The following SLC13A3 variants were observed in gnomAD, a reference collection of about 807,000 sequenced individuals.
SLC13A3 encodes the protein solute carrier family 13 member 3.
In SLC13A3, 40 loss-of-function variants were observed where a neutral mutation model predicts 59.0. That is an observed-to-expected ratio of 0.68 (90% CI 0.53 to 0.88). SLC13A3 has a LOEUF of 0.88. Ranked by LOEUF, SLC13A3 falls within the 40% of genes least tolerant of loss-of-function variation. The probability of loss-of-function intolerance (pLI) is 0.00; values close to 1 mark genes in which losing one functional copy is unlikely to be tolerated. For missense variants in SLC13A3, 699 were observed against 783.2 expected (o/e 0.89, Z 1.28); for synonymous variants, 317 against 330.3 (o/e 0.96, Z 0.44).
At position 46,566,373 on chromosome 20, in the gene SLC13A3, T is replaced by C. The variant is rs761185523; in HGVS notation, c.1350A>G (p.Val450=). The part of the protein sequence containing the change: ...AKGCEESGLS[V]WIGGQLHPLE... ...GGGGGTGCAGCTGCCCACCAATCCA[T>C]ACAGACAGCCCCGATTCCTGCGGAG... is the stretch of plus-strand genomic sequence containing the variant. Residue 450 remains valine (V), a synonymous_variant, in exon 11 of 13, where the codon GTA becomes GTG. Coordinates refer to ENST00000279027, the MANE Select transcript of SLC13A3 (RefSeq NM_022829.6). The C allele has an allele frequency of 1.7e-5, 27 of 1,612,908 alleles. No individual in the cohort carries two copies. The South Asian group carries it at 1.8e-4, about 11-fold the overall frequency.
At chr20:46,652,309 T>C (rs1052050543), upstream of SLC13A3, among the ~76,000 whole-genome samples, 1 of 152,234 alleles carries the variant, frequency 6.6e-6, no homozygotes, top group Non-Finnish European at 1.5e-5. Flanking sequence ...ATAACACATG[T>C]AATGTGATTA....
upstream of SLC13A3, chr20:46,651,508 A>C: frequency 2.8e-5 from 22 of 778,814 alleles, no homozygotes; most frequent in Non-Finnish European, 3.4e-5. Context: ...AGGGTCGGGG[A>C]GGGGACTGCG....
At chr20:46,661,910 A>G (rs1372861624) in intron 1 of SLC13A3, among the ~76,000 whole-genome samples, 1 of 152,152 alleles carries the variant, frequency 6.6e-6, no homozygotes, top group Non-Finnish European at 1.5e-5. Flanking sequence ...AATCCTTCTT[A>G]TCCCTCCTTT....
At chr20:46,683,353 T>C (rs1241900688) in intron 1 of SLC13A3, among the ~76,000 whole-genome samples, 1 of 152,178 alleles carries the variant, frequency 6.6e-6, no homozygotes, top group Non-Finnish European at 1.5e-5. Context: ...AAGGGCTAAC[T>C]GGGGGCCAGG....
At chr20:46,589,092 G>A in intron 7 of SLC13A3, 68 bp downstream of exon 7, 3 of 1,427,954 alleles carry the variant, frequency 2.1e-6, no homozygotes, top group Non-Finnish European at 2.9e-6. Flanking sequence ...CCCAAGGCCA[G>A]GCCAGGAGGA....
At position 46,649,518 on chromosome 20, in the gene SLC13A3, T is replaced by A. The variant is rs561983233; in HGVS notation, c.111+1793A>T. On this transcript the variant is annotated intron_variant, in intron 1 of 12. Coordinates refer to ENST00000279027, the MANE Select transcript of SLC13A3 (RefSeq NM_022829.6). ...GAGAGAATAGAGACCTTGTGTTTTATCTCTTCTTGCCAGAGAGCTCTGCCT... is the reference window on the plus strand; with the variant it reads ...GAGAGAATAGAGACCTTGTGTTTTAACTCTTCTTGCCAGAGAGCTCTGCCT... Among the ~76,000 whole-genome samples the A allele has an allele frequency of 4.6e-5, 7 of 152,298 alleles. No individual in the cohort carries two copies. The South Asian group carries it at 1.5e-3, about 32-fold the overall frequency.
intron 9 of SLC13A3, chr20:46,583,080 C>G (rs1333387608): frequency 2.0e-6 from 2 of 985,544 alleles, no homozygotes; most frequent in Non-Finnish European, 2.4e-6. Context: ...GCCAAGGGGT[C>G]ATTTTTCTGC....
intron 1 of SLC13A3, chr20:46,682,292 G>A (rs935541603): frequency 1.3e-5 from 2 of 152,350 alleles, no homozygotes; most frequent in East Asian, 3.9e-4. Context: ...GATTCTTGCA[G>A]TTAAATCAGA....
intron 10 of SLC13A3, among the ~76,000 whole-genome samples, chr20:46,573,563 C>T (rs1160264048): frequency 6.6e-6 from 1 of 152,216 alleles, no homozygotes; most frequent in Non-Finnish European, 1.5e-5. Context: ...AAAGCCCAAC[C>T]TGTAGAAACC....
intron 9 of SLC13A3, among the ~76,000 whole-genome samples, chr20:46,580,181 C>T (rs530995111): frequency 4.6e-5 from 7 of 152,266 alleles, no homozygotes; most frequent in South Asian, 4.1e-4. Context: ...CTCTTAGACT[C>T]GTGACCTCAG....
In SLC13A3 at chr20:46,664,662, G is replaced by A. The variant is rs773679274; in HGVS notation, c.-31+5381C>T. On this transcript the variant is annotated intron_variant, in intron 1 of 12. Coordinates refer to the SLC13A3 transcript ENST00000290317. Reference sequence around the variant, plus strand: ...AAAAGATGAAAATATGACAAATCTGGGAAGAAAACACAAGGAAGCAGCAAA... The same window carrying A: ...AAAAGATGAAAATATGACAAATCTGAGAAGAAAACACAAGGAAGCAGCAAA... Among the ~76,000 whole-genome samples the A allele has an allele frequency of 1.1e-4, 16 of 152,244 alleles. No homozygotes were observed. In the Middle Eastern group the frequency reaches 0.01, roughly 97 times the overall value.
At chr20:46,574,243 C>T (rs1306060212) in intron 10 of SLC13A3, among the ~76,000 whole-genome samples, 1 of 152,206 alleles carries the variant, frequency 6.6e-6, no homozygotes, top group African/African-American at 2.4e-5. Flanking sequence ...GGAGCCCGGA[C>T]TCTGAAATCA....
chr20:46,590,820 C>T (rs1206631395), intron 6 of SLC13A3, among the ~76,000 whole-genome samples: 1 of 152,052 alleles, frequency 6.6e-6, no homozygotes, highest in East Asian at 1.9e-4. Context: ...AAAATGCTTG[C>T]TTCCTTTGAG....
At chr20:46,677,192 G>A (rs1438005929) in intron 1 of SLC13A3, among the ~76,000 whole-genome samples, 3 of 152,192 alleles carry the variant, frequency 2.0e-5, no homozygotes, top group Non-Finnish European at 2.9e-5. Context: ...GGCATTACAA[G>A]CACAAGCCAC....
At chr20:46,591,683 A>G (rs2062259052) in intron 6 of SLC13A3, among the ~76,000 whole-genome samples, 1 of 152,148 alleles carries the variant, frequency 6.6e-6, no homozygotes, top group African/African-American at 2.4e-5. Flanking sequence ...CCATAATATG[A>G]TTTGGTGTTA....
At position 46,568,719 on chromosome 20, in the gene SLC13A3, T is replaced by C. The variant is rs755430991; in HGVS notation, c.1333-2329A>G. Reference sequence around the variant, plus strand: ...TAGGCCACAGCTCTGGCAAAGAGTCTGACCTGACAGCTCTGTGCGCAATTA... The same window carrying C: ...TAGGCCACAGCTCTGGCAAAGAGTCCGACCTGACAGCTCTGTGCGCAATTA... On this transcript the variant is annotated intron_variant, in intron 10 of 12. Transcript: ENST00000279027. Among the ~76,000 whole-genome samples, 8 of 152,186 alleles carry C rather than the reference T, an allele frequency of 5.3e-5. No homozygotes were observed. In the East Asian group the frequency reaches 1.5e-3, roughly 29 times the overall value.
intron 1 of SLC13A3, among the ~76,000 whole-genome samples, chr20:46,623,405 A>C (rs6094399): frequency 0.012 from 1,848 of 152,090 alleles, 40 homozygotes; most frequent in African/African-American, 0.042. Context: ...TTTCCTCTCT[A>C]TCTTTTTTTG....
chr20:46,576,588 G>T (rs2062079212), intron 9 of SLC13A3, among the ~76,000 whole-genome samples: 1 of 152,188 alleles, frequency 6.6e-6, no homozygotes, highest in African/African-American at 2.4e-5. Flanking sequence ...ACAGGGTCTA[G>T]AACAGTGCCT....
intron 1 of SLC13A3, among the ~76,000 whole-genome samples, chr20:46,614,287 C>T (rs1458817373): frequency 6.6e-6 from 1 of 152,188 alleles, no homozygotes; most frequent in Non-Finnish European, 1.5e-5. Flanking sequence ...CAGGGCATAT[C>T]ATGCCTTAGA....
Sources: gnomAD v4.1 joint callset for allele counts (sites outside exome capture counted in the v4.1 genomes callset) on GRCh38, gnomAD v4.1.1 for gene constraint, MANE v1.5 for transcripts, NCBI Gene and HGNC (gene_info 2026-07-23, HGNC 2026-07-21) for gene names.